The following ZNF618 variants were observed in gnomAD, a reference collection of about 807,000 sequenced individuals.
ZNF618 encodes the protein zinc finger protein 618.
ZNF618 carries 34 observed loss-of-function variants against 103.0 expected under a neutral mutation model. The ratio of observed to expected loss-of-function variants is 0.33; its 90% CI spans 0.25 to 0.44. The LOEUF (loss-of-function observed/expected upper bound fraction) is 0.44. Ranked by LOEUF, ZNF618 falls within the 20% of genes least tolerant of loss-of-function variation. The pLI is 1.00. For synonymous variants in ZNF618, 551 were observed against 542.2 expected (o/e 1.02, Z -0.23); for missense variants, 1,059 against 1,295.4 (o/e 0.82, Z 2.80).
At chr9:113,955,094 C>A (rs990446617) in intron 1 of ZNF618, among the ~76,000 whole-genome samples, 1 of 151,564 alleles carries the variant, frequency 6.6e-6, no homozygotes, top group African/African-American at 2.4e-5. Flanking sequence ...CACCTGTGTT[C>A]TCAAATCCTT....
intron 2 of ZNF618, among the ~76,000 whole-genome samples, chr9:113,985,357 C>G (rs1588237609): frequency 6.6e-6 from 1 of 152,218 alleles, no homozygotes; most frequent in East Asian, 1.9e-4. Flanking sequence ...AGGGGATCCC[C>G]TTTTCTTGTT....
intron 1 of ZNF618, 37 bp downstream of exon 1, chr9:113,876,450 G>T (rs1289690014): frequency 5.0e-6 from 6 of 1,193,070 alleles, no homozygotes; most frequent in Non-Finnish European, 6.2e-6. Flanking sequence ...CCGCGCGGGG[G>T]ACCCCGGGGG....
In ZNF618 at chr9:114,002,605, T is replaced by TCC. The variant is rs558325879; in HGVS notation, c.512-18_512-17insCC. 11 of 1,325,992 alleles carry TCC rather than the reference T, an allele frequency of 8.3e-6. No homozygotes were observed. Among genetic ancestry groups the TCC allele is most frequent in the South Asian group, 6.9e-5 (5 of 72,124 alleles). 82.1% of individuals were successfully genotyped at this position (1,325,992 alleles called of 1,614,324 possible). A position where few individuals can be genotyped will look rare whatever the true frequency, so the allele number is the denominator to read the frequency against. ...GGCCCGGTAGCCCCACCCCCATCCC[T>TCC]CTCTCTCTCTCTTTGCAGACACCGA... On this transcript the variant is annotated intron_variant, in intron 5 of 14. Coordinates refer to ENST00000374126, the MANE Select transcript of ZNF618 (RefSeq NM_001318042.2).
In ZNF618 at chr9:114,028,710, G is replaced by T. The variant is rs1403030898; in HGVS notation, c.845-23G>T. 2.6e-6 allele frequency: 4 copies of T among 1,542,974 alleles called. No homozygotes were observed. The African/African-American group carries it at 4.1e-5, about 16-fold the overall frequency. On this transcript the variant is annotated intron_variant, in intron 10 of 14. Transcript: ENST00000374126. ...TCTGCCGGCTGGGAGGGCCCTCGGG[G>T]ACTGAGAGCGTGACCCTCTCAGGTA...
chr9:114,019,760 A>G (rs1265103560), intron 10 of ZNF618, among the ~76,000 whole-genome samples: 1 of 152,172 alleles, frequency 6.6e-6, no homozygotes, highest in Non-Finnish European at 1.5e-5. Flanking sequence ...TTTGCCAGAT[A>G]CATGTACTGT....
chr9:114,027,846 C>CCTCTT (rs1286593908), intron 10 of ZNF618: 1 of 152,474 alleles, frequency 6.6e-6, no homozygotes, highest in Non-Finnish European at 1.5e-5. Context: ...AGCCTCTGGT[C>CCTCTT]GGTACCAAAG....
At chr9:113,880,750 T>C (rs945370456) in intron 1 of ZNF618, among the ~76,000 whole-genome samples, 4 of 152,224 alleles carry the variant, frequency 2.6e-5, no homozygotes, top group African/African-American at 9.6e-5. Flanking sequence ...TGTATTTATA[T>C]TTGTGGATGT....
At chr9:113,968,943 CCT>C (rs1837686194) in intron 1 of ZNF618, among the ~76,000 whole-genome samples, 172 bp from the exon 2 acceptor site, 1 of 152,118 alleles carries the variant, frequency 6.6e-6, no homozygotes, top group Non-Finnish European at 1.5e-5. Context: ...GTTCTGACTC[CCT>C]CTTACCACTG....
At chr9:113,941,969 C>A (rs1300868924) in intron 1 of ZNF618, among the ~76,000 whole-genome samples, 2 of 152,198 alleles carry the variant, frequency 1.3e-5, no homozygotes, top group Admixed American at 6.5e-5. Flanking sequence ...GACTCACTTT[C>A]CTCCTCTGGA....
At position 113,937,876 on chromosome 9, in the gene ZNF618, C is replaced by CT. The variant is rs58390378; in HGVS notation, c.34-31233dup. On this transcript the variant is annotated intron_variant, in intron 1 of 14. Transcript: ENST00000374126. The stretch of plus-strand genomic sequence containing the variant: ...TGATCAGTTTTACCTAATTATGTGC[C>CT]TTTTTTTTGTTGTTTTTATTACTTT... Among the ~76,000 whole-genome samples the CT allele has an allele frequency of 3.3e-5, 5 of 151,868 alleles. No individual in the cohort carries two copies. The South Asian group carries it at 6.2e-4, about 19-fold the overall frequency.
intron 3 of ZNF618, among the ~76,000 whole-genome samples, chr9:113,990,027 T>G (rs1295672186): frequency 6.6e-6 from 1 of 152,226 alleles, no homozygotes; most frequent in Non-Finnish European, 1.5e-5. Context: ...CTAGCCCCAT[T>G]TCTTGCTTCT....
chr9:114,051,774 G>T lies in ZNF618; in HGVS notation c.*1607G>T, dbSNP rs1421823967. 6.6e-6 allele frequency: 1 copy of T among 152,288 alleles called. No homozygotes were observed. The highest frequency in any genetic ancestry group is 1.5e-5 in the Non-Finnish European group (1 of 68,134). The allele number at this position is 152,288 out of a possible 1,614,324, so 9.4% of individuals were successfully genotyped here. Reference sequence around the variant, plus strand: ...CAGGCTTTTCTCTCCTGTTCCCCCAGCTGTGAGCAAATTAGGTTCTACACA... The same window carrying T: ...CAGGCTTTTCTCTCCTGTTCCCCCATCTGTGAGCAAATTAGGTTCTACACA... On this transcript the variant is annotated 3_prime_UTR_variant, in exon 15 of 15. Transcript: ENST00000374126.
rs1832593016 is a variant in ZNF618, at chr9:113,921,033, A to AT, written c.33+44622dup. ...TCAGGTTAGGGGCAATGGCTGACCT[A>AT]TTGGTGGCTCCAGCTCAGCATGTGT... is the stretch of plus-strand genomic sequence containing the variant. On this transcript the variant is annotated intron_variant, in intron 1 of 14. Coordinates refer to ENST00000374126, the MANE Select transcript of ZNF618 (RefSeq NM_001318042.2). 2.0e-5 allele frequency among the ~76,000 whole-genome samples: 3 copies of AT among 152,314 alleles called. No individual in the cohort carries two copies. The South Asian group carries it at 6.2e-4, about 32-fold the overall frequency.
At chr9:113,951,012 AG>A (rs1315628672) in intron 1 of ZNF618, among the ~76,000 whole-genome samples, 2 of 113,070 alleles carry the variant, frequency 1.8e-5, no homozygotes, top group African/African-American at 6.8e-5. Context: ...GGAGGAAGGG[AG>A]GGGGGGACAG....
At chr9:113,989,639 A>G (rs889422814) in intron 3 of ZNF618, among the ~76,000 whole-genome samples, 1 of 152,204 alleles carries the variant, frequency 6.6e-6, no homozygotes, top group Non-Finnish European at 1.5e-5. Context: ...TTCCTGGTCC[A>G]GCTCTGGCTC....
chr9:113,959,399 G>C (rs1458391695), intron 1 of ZNF618, among the ~76,000 whole-genome samples: 1 of 152,176 alleles, frequency 6.6e-6, no homozygotes, highest in African/African-American at 2.4e-5. Flanking sequence ...CTGCCCAGCT[G>C]GGGGAATAGA....
intron 1 of ZNF618, among the ~76,000 whole-genome samples, chr9:113,896,980 A>G (rs1369428513): frequency 2.6e-5 from 4 of 151,994 alleles, no homozygotes; most frequent in Non-Finnish European, 4.4e-5. Flanking sequence ...CCTGCTTTCT[A>G]TTGTTGGAAT....
Position 114,048,641 on chromosome 9 carries a change from C to G in ZNF618, c.1349-10C>G. The G allele has an allele frequency of 6.2e-7, 1 of 1,601,992 alleles. No individual in the cohort carries two copies. Among genetic ancestry groups the G allele is most frequent in the South Asian group, 1.1e-5 (1 of 89,552 alleles). On this transcript the variant is annotated splice_polypyrimidine_tract_variant and intron_variant, in intron 14 of 14. Transcript: ENST00000374126. ...GAATTAATCCCATCTGTCTTTGTGT[C>G]CTCTGCCAGCCACTACCAGTGGTTT...
At chr9:114,016,886 C>A in intron 10 of ZNF618, 102 bp downstream of exon 10, 1 of 864,452 alleles carries the variant, frequency 1.2e-6, no homozygotes. Flanking sequence ...ATGGTGAAAG[C>A]AAGGTGAGCT....
Sources: allele counts gnomAD v4.1 joint callset (sites outside exome capture counted in the v4.1 genomes callset), GRCh38; gene constraint gnomAD v4.1.1; transcripts MANE v1.5; gene names NCBI Gene and HGNC (gene_info 2026-07-23, HGNC 2026-07-21).